The following DOCK8 variants were observed in gnomAD, a reference collection of about 807,000 sequenced individuals.
The protein encoded by DOCK8 is dedicator of cytokinesis protein 8.
DOCK8 carries 141 observed loss-of-function variants against 245.6 expected under a neutral mutation model. The observed-to-expected ratio is 0.57, with a 90% CI of 0.50 to 0.66. The LOEUF (loss-of-function observed/expected upper bound fraction) is 0.66. Among genes scored for constraint, DOCK8 ranks in the 30% least tolerant of loss-of-function variants. DOCK8 has a pLI of 0.00. For missense variants in DOCK8, 2,965 were observed against 2,603.4 expected, an observed-to-expected ratio of 1.14 and a Z score of -3.02; for synonymous variants, 1,168 against 970.2, an observed-to-expected ratio of 1.20 and a Z score of -3.79.
intron 22 of DOCK8, 139 bp downstream of exon 22, chr9:382,824 T>G: frequency 8.9e-7 from 1 of 1,123,850 alleles, no homozygotes; most frequent in Non-Finnish European, 1.3e-6. Flanking sequence ...TTTGGAGTGA[T>G]TAACGTTCTT....
chr9:401,893 G>T (rs1256394791), intron 26 of DOCK8, among the ~76,000 whole-genome samples: 1 of 152,134 alleles, frequency 6.6e-6, no homozygotes, highest in East Asian at 1.9e-4. Context: ...AACATCAGAA[G>T]TCCCCAAGCA....
At chr9:285,008 G>A (rs113983557) in intron 2 of DOCK8, among the ~76,000 whole-genome samples, 6,064 of 152,050 alleles carry the variant, frequency 0.04, 269 homozygotes, top group African/African-American at 0.11. Context: ...CTTAATACCT[G>A]GGTGATAAAA....
chr9:216,537 C>CAAAAAAAAAAAAAAAAAACAAA, intron 1 of DOCK8, among the ~76,000 whole-genome samples: 1 of 88,922 alleles, frequency 1.1e-5, no homozygotes. Context: ...AAAAAACAGA[C>CAAAAAAAAAAAAAAAAAACAAA]AAAAAAAAAA....
At chr9:228,901 G>A (rs551548142) in intron 1 of DOCK8, among the ~76,000 whole-genome samples, 35 of 152,306 alleles carry the variant, frequency 2.3e-4, no homozygotes, top group African/African-American at 8.4e-4. Flanking sequence ...CACAAGTCCA[G>A]GACCTTGGTG....
At chr9:235,616 C>A (rs1468460958) in intron 1 of DOCK8, among the ~76,000 whole-genome samples, 1 of 152,206 alleles carries the variant, frequency 6.6e-6, no homozygotes, top group African/African-American at 2.4e-5. Context: ...GGCACCCCTC[C>A]CCAAGCCTCG....
intron 46 of DOCK8, 78 bp from the exon 47 acceptor site, chr9:463,439 G>A (rs950563389): frequency 1.9e-5 from 29 of 1,562,738 alleles, no homozygotes; most frequent in Non-Finnish European, 1.7e-5. Flanking sequence ...TCGAAAAATC[G>A]TAAGTAATTT....
intron 4 of DOCK8, among the ~76,000 whole-genome samples, chr9:292,390 A>AAAT (rs1451775619): frequency 1.3e-5 from 2 of 148,764 alleles, no homozygotes; most frequent in South Asian, 2.1e-4. Flanking sequence ...TCCGTCTCAA[A>AAAT]AAAAAAAAAA....
chr9:315,566 A>G (rs979100906), intron 6 of DOCK8, among the ~76,000 whole-genome samples: 2 of 152,236 alleles, frequency 1.3e-5, no homozygotes, highest in African/African-American at 4.8e-5. Context: ...GTATGTTTTT[A>G]AAAGTCTTTA....
intron 23 of DOCK8, among the ~76,000 whole-genome samples, chr9:388,208 C>G (rs1163714592): frequency 2.0e-5 from 3 of 152,148 alleles, no homozygotes; most frequent in African/African-American, 7.2e-5. Flanking sequence ...ATAATATGTG[C>G]ACAGTTAGAC....
At chr9:387,546 G>A (rs2054006767) in intron 23 of DOCK8, among the ~76,000 whole-genome samples, 1 of 152,188 alleles carries the variant, frequency 6.6e-6, no homozygotes, top group Non-Finnish European at 1.5e-5. Context: ...TTATTAAACA[G>A]GCAAGGAGGG....
At chr9:290,684 G>A (rs2130370586) in intron 4 of DOCK8, among the ~76,000 whole-genome samples, 1 of 152,294 alleles carries the variant, frequency 6.6e-6, no homozygotes. Context: ...TGGGGAGTGA[G>A]ATGTGGACTC....
chr9:377,944 T>A (rs918901551), intron 20 of DOCK8, among the ~76,000 whole-genome samples: 1 of 152,094 alleles, frequency 6.6e-6, no homozygotes, highest in African/African-American at 2.4e-5. Context: ...GACTGGCTGG[T>A]ATAGGGCATC....
chr9:406,868 G>A (rs1312191335), intron 27 of DOCK8, 62 bp from the exon 28 acceptor site: 2 of 1,609,124 alleles, frequency 1.2e-6, no homozygotes, highest in East Asian at 2.2e-5. Context: ...AGTAAACACT[G>A]GCCATCGCTA....
rs141530404 is a variant in DOCK8 at position 246,816 on chromosome 9, A to G, written c.54-24811A>G. Among the ~76,000 whole-genome samples, 123 of 152,098 alleles carry G rather than the reference A, an allele frequency of 8.1e-4. 1 individual carries two copies. The highest frequency in any genetic ancestry group is 2.5e-3 in the African/African-American group (102 of 41,486). ...TTTATTTTAGAGATGAAGTCTTGCAATGTTGCCCAGGCTGGCCTAGAATTC... is the reference window on the plus strand; with the variant it reads ...TTTATTTTAGAGATGAAGTCTTGCAGTGTTGCCCAGGCTGGCCTAGAATTC... On this transcript the variant is annotated intron_variant, in intron 1 of 47. Transcript: ENST00000432829.
intron 46 of DOCK8, chr9:454,228 C>T (rs543544516): frequency 3.9e-5 from 6 of 152,292 alleles, no homozygotes; most frequent in Non-Finnish European, 7.3e-5. Flanking sequence ...TCCAAGGTAT[C>T]ACTTTCAGCT....
intron 36 of DOCK8, 117 bp downstream of exon 36, chr9:429,971 GAGAA>G: frequency 7.8e-7 from 1 of 1,288,070 alleles, no homozygotes; most frequent in Non-Finnish European, 1.1e-6. Context: ...TCTGTCCTGT[GAGAA>G]AGAAACAATT....
chr9:282,831 T>C (rs191435149), intron 2 of DOCK8, among the ~76,000 whole-genome samples: 1 of 152,350 alleles, frequency 6.6e-6, no homozygotes, highest in African/African-American at 2.4e-5. Flanking sequence ...TTACGGCTCA[T>C]GTCACCTTGC....
chr9:385,638 A>G (rs866562650), intron 22 of DOCK8, among the ~76,000 whole-genome samples: 1 of 152,276 alleles, frequency 6.6e-6, no homozygotes. Flanking sequence ...TATTTGTGGC[A>G]CAAAAATTGG....
At chr9:402,392 T>C (rs1289845530) in intron 26 of DOCK8, among the ~76,000 whole-genome samples, 1 of 152,002 alleles carries the variant, frequency 6.6e-6, no homozygotes, top group East Asian at 1.9e-4. Flanking sequence ...AGCATCAGCC[T>C]TTGAGGCATT....
Sources: gnomAD v4.1 joint callset for allele counts (sites outside exome capture counted in the v4.1 genomes callset) on GRCh38, gnomAD v4.1.1 for gene constraint, MANE v1.5 for transcripts, NCBI Gene and HGNC (gene_info 2026-07-23, HGNC 2026-07-21) for gene names.